DYM: variants seen among roughly 807,000 people sequenced by gnomAD.
DYM encodes dymeclin.
In DYM, 78 loss-of-function variants were observed where a neutral mutation model predicts 93.1. That is an observed-to-expected ratio of 0.84 (90% CI 0.70 to 1.01). DYM has a LOEUF of 1.01. Ranked by LOEUF, DYM falls within the 50% of genes least tolerant of loss-of-function variation. The probability of loss-of-function intolerance (pLI) is 0.00; values close to 1 mark genes in which losing one functional copy is unlikely to be tolerated. For synonymous variants in DYM, 321 were observed against 319.7 expected (o/e 1.00, Z -0.04); for missense variants, 789 against 845.0 (o/e 0.93, Z 0.82).
intron 14 of DYM, among the ~76,000 whole-genome samples, chr18:49,167,196 A>G (rs754107269): frequency 4.6e-5 from 7 of 152,104 alleles, no homozygotes; most frequent in Non-Finnish European, 1.0e-4. Context: ...TTGTTTGTTT[A>G]CTGATTTTAA....
intron 15 of DYM, among the ~76,000 whole-genome samples, chr18:49,133,335 T>A (rs1032451461): frequency 6.6e-6 from 1 of 152,190 alleles, no homozygotes; most frequent in African/African-American, 2.4e-5. Context: ...ATTTTCAAAA[T>A]TTTCATCATC....
chr18:49,232,299 ATTTTTTCTTTTTT>A (rs927506392), intron 13 of DYM, among the ~76,000 whole-genome samples: 8 of 147,580 alleles, frequency 5.4e-5, no homozygotes, highest in African/African-American at 9.9e-5. Context: ...TTCTTTTTTG[ATTTTTTCTTTTTT>A]TTTTTTCTTT....
chr18:49,433,925 G>A (rs1223250933), intron 1 of DYM, among the ~76,000 whole-genome samples: 1 of 152,046 alleles, frequency 6.6e-6, no homozygotes, highest in African/African-American at 2.4e-5. Context: ...ATTTTTAAAT[G>A]GTGGCCAGGC....
chr18:49,097,805 C>G (rs1271219935), intron 16 of DYM, among the ~76,000 whole-genome samples: 2 of 151,668 alleles, frequency 1.3e-5, no homozygotes, highest in Non-Finnish European at 2.9e-5. Flanking sequence ...GTTTATAGAG[C>G]AGTATCCAAC....
chr18:49,080,959 A>G (rs2077937064), intron 17 of DYM, among the ~76,000 whole-genome samples: 1 of 149,618 alleles, frequency 6.7e-6, no homozygotes, highest in African/African-American at 2.5e-5. Flanking sequence ...TGCGGGGAAG[A>G]GGTGCTCCTC....
At chr18:49,108,133 C>T (rs2081040533) in intron 16 of DYM, among the ~76,000 whole-genome samples, 1 of 152,246 alleles carries the variant, frequency 6.6e-6, no homozygotes, top group Non-Finnish European at 1.5e-5. Context: ...GCCTCACTGC[C>T]ACCTTGCAGT....
intron 13 of DYM, among the ~76,000 whole-genome samples, chr18:49,231,357 C>G (rs183633039): frequency 6.6e-6 from 1 of 152,078 alleles, no homozygotes; most frequent in Non-Finnish European, 1.5e-5. Context: ...AAAGAAAGCA[C>G]GAGATCTAGA....
intron 6 of DYM, among the ~76,000 whole-genome samples, chr18:49,338,993 T>C (rs1233909204): frequency 6.6e-6 from 1 of 151,822 alleles, no homozygotes; most frequent in South Asian, 2.1e-4. Context: ...ACGAAACTAA[T>C]ATCAAGGCTA....
intron 17 of DYM, among the ~76,000 whole-genome samples, chr18:49,078,439 C>T (rs1250245113): frequency 6.6e-6 from 1 of 151,802 alleles, no homozygotes; most frequent in Non-Finnish European, 1.5e-5. Context: ...ACTGTCACAA[C>T]CATACAGGGC....
At chr18:49,137,780 A>C (rs1301050918) in intron 15 of DYM, among the ~76,000 whole-genome samples, 2 of 152,238 alleles carry the variant, frequency 1.3e-5, no homozygotes, top group Non-Finnish European at 2.9e-5. Context: ...CAGACTGTAC[A>C]CACCACCTTA....
chr18:49,375,262 A>T (rs534005337), intron 5 of DYM, among the ~76,000 whole-genome samples: 50 of 150,926 alleles, frequency 3.3e-4, no homozygotes, highest in African/African-American at 1.1e-3. Context: ...AGAAGAAAAA[A>T]ATATATATAT....
At chr18:49,393,108 G>A (rs2069577285) in intron 2 of DYM, among the ~76,000 whole-genome samples, 9 of 12,792 alleles carry the variant, frequency 7.0e-4, no homozygotes, top group African/African-American at 1.8e-3. Context: ...AAGGAAGGAA[G>A]GAAGGAAGGA....
chr18:49,059,041 G>A (rs750240164), intron 17 of DYM, among the ~76,000 whole-genome samples: 8 of 152,184 alleles, frequency 5.3e-5, no homozygotes, highest in Non-Finnish European at 8.8e-5. Context: ...AACTTATACT[G>A]TAAATACATC....
At chr18:49,081,515 C>T (rs1209313170) in intron 17 of DYM, among the ~76,000 whole-genome samples, 2 of 113,892 alleles carry the variant, frequency 1.8e-5, no homozygotes, top group Non-Finnish European at 3.5e-5. Flanking sequence ...AGAGGGAGAC[C>T]GAGAGGGAGA....
chr18:49,443,918 AAC>A (rs1168129799), intron 1 of DYM, among the ~76,000 whole-genome samples: 2 of 152,226 alleles, frequency 1.3e-5, no homozygotes, highest in East Asian at 1.9e-4. Flanking sequence ...TTTCCATGAA[AAC>A]AGTGGCTCGA....
At chr18:49,094,666 A>G (rs2079382582) in intron 17 of DYM, among the ~76,000 whole-genome samples, 1 of 152,262 alleles carries the variant, frequency 6.6e-6, no homozygotes, top group East Asian at 1.9e-4. Context: ...AATATTTTAG[A>G]AGGCTATGTC....
chr18:49,120,078 C>CAAAAAAAAAAAAAAA (rs71165367), intron 15 of DYM, among the ~76,000 whole-genome samples: 6 of 56,070 alleles, frequency 1.1e-4, no homozygotes, highest in East Asian at 4.4e-4. Flanking sequence ...GATCCTGTCT[C>CAAAAAAAAAAAAAAA]AAAAAAAAAA....
chr18:49,449,214 T>G (rs1033420594), intron 1 of DYM, among the ~76,000 whole-genome samples: 2 of 152,210 alleles, frequency 1.3e-5, no homozygotes, highest in African/African-American at 4.8e-5. Flanking sequence ...TATAGAAGCT[T>G]TCCAAAATTT....
At chr18:49,405,443 A>G (rs2071365759) in intron 2 of DYM, among the ~76,000 whole-genome samples, 1 of 152,164 alleles carries the variant, frequency 6.6e-6, no homozygotes, top group Admixed American at 6.5e-5. Context: ...GTAGTGGTCC[A>G]GTTTCATTAT....
Sources: allele counts gnomAD v4.1 joint callset (sites outside exome capture counted in the v4.1 genomes callset), GRCh38; gene constraint gnomAD v4.1.1; transcripts MANE v1.5; gene names NCBI Gene and HGNC (gene_info 2026-07-23, HGNC 2026-07-21).